DENND4A: variants seen among roughly 807,000 people sequenced by gnomAD.
DENND4A encodes the protein C-myc promoter-binding protein.
A neutral mutation model predicts 199.3 loss-of-function variants in DENND4A; 70 were observed. The ratio of observed to expected loss-of-function variants is 0.35; its 90% confidence interval spans 0.29 to 0.43. The LOEUF is 0.43. Ranked by LOEUF, DENND4A falls within the 20% of genes least tolerant of loss-of-function variation. The pLI, the probability that DENND4A is intolerant of heterozygous loss-of-function variation, is 1.00. For synonymous variants in DENND4A, 686 were observed against 766.9 expected (o/e 0.89, Z 1.74); for missense variants, 1,723 against 2,255.8 (o/e 0.76, Z 4.78).
At chr15:65,753,604 C>A (rs2076621860) in intron 3 of DENND4A, among the ~76,000 whole-genome samples, 1 of 152,190 alleles carries the variant, frequency 6.6e-6, no homozygotes, top group African/African-American at 2.4e-5. Flanking sequence ...AGTGATCTGT[C>A]TGCCTCGGCC....
chr15:65,735,147 G>A (rs1310342713), intron 7 of DENND4A, among the ~76,000 whole-genome samples: 1 of 152,040 alleles, frequency 6.6e-6, no homozygotes, highest in Non-Finnish European at 1.5e-5. Context: ...GGAGGCCAAG[G>A]TGGGCGGATC....
intron 4 of DENND4A, among the ~76,000 whole-genome samples, chr15:65,743,704 C>G (rs747284492): frequency 5.9e-5 from 9 of 152,166 alleles, no homozygotes; most frequent in South Asian, 2.1e-4. Flanking sequence ...TACAGGTACT[C>G]CATAAAGTAT....
rs140585862 is a variant in DENND4A at position 65,704,437 on chromosome 15, A to G, written c.2088-1429T>C. Among the ~76,000 whole-genome samples, 915 of 152,330 alleles carry G rather than the reference A, an allele frequency of 6.0e-3. 13 individuals carry two copies. Among genetic ancestry groups the G allele is most frequent in the African/African-American group, 0.021 (884 of 41,572 alleles). On this transcript the variant is annotated intron_variant, in intron 15 of 32. Coordinates refer to ENST00000443035, the MANE Select transcript of DENND4A (RefSeq NM_001320835.1). ...GCCCAAGCTGGAGTGCAGTAGCTCA[A>G]TGATGGCTCACTGCAGTCTCAACCT...
At chr15:65,774,734 T>C (rs921736922) in intron 1 of DENND4A, among the ~76,000 whole-genome samples, 4 of 151,976 alleles carry the variant, frequency 2.6e-5, no homozygotes, top group Admixed American at 2.6e-4. Flanking sequence ...CTATTTTCTC[T>C]AAAATTATAA....
At chr15:65,744,136 T>A (rs1275613524) in intron 4 of DENND4A, among the ~76,000 whole-genome samples, 3 of 151,648 alleles carry the variant, frequency 2.0e-5, no homozygotes, top group Non-Finnish European at 2.9e-5. Context: ...TGAAAAGAGG[T>A]CAGATTCTGG....
At chr15:65,709,216 TA>T (rs1567030801) in intron 14 of DENND4A, among the ~76,000 whole-genome samples, 1 of 152,246 alleles carries the variant, frequency 6.6e-6, no homozygotes, top group African/African-American at 2.4e-5. Context: ...TTATTCTTTT[TA>T]AAGTGTTACT....
Position 65,717,914 on chromosome 15 carries a change from C to G in DENND4A, c.1671G>C (p.Met557Ile). 1 of 1,609,254 alleles carries G rather than the reference C, an allele frequency of 6.2e-7. No individual in the cohort carries two copies. Among genetic ancestry groups the G allele is most frequent in the East Asian group, 2.2e-5 (1 of 44,816 alleles). ...YDFNSGKRLH[M>I]IDLEIQEAFL... is the part of the protein sequence containing the mutation. Reference sequence around the variant, plus strand: ...ATGCCTCTTGGATTTCCAAATCTATCATGTGCAACCTCTTTCCAGAATTAA... The same window carrying G: ...ATGCCTCTTGGATTTCCAAATCTATGATGTGCAACCTCTTTCCAGAATTAA... Residue 557 changes from methionine to isoleucine, a missense_variant, in exon 13 of 33, where the codon ATG (methionine) becomes ATC (isoleucine). Transcript: ENST00000443035.
At chr15:65,784,820 A>G (rs569478175) in intron 1 of DENND4A, among the ~76,000 whole-genome samples, 43 of 152,212 alleles carry the variant, frequency 2.8e-4, no homozygotes, top group African/African-American at 9.4e-4. Context: ...ATTTGGGACT[A>G]AAGCAAAACT....
At chr15:65,757,572 G>C (rs965932171) in intron 2 of DENND4A, among the ~76,000 whole-genome samples, 1 of 152,126 alleles carries the variant, frequency 6.6e-6, no homozygotes, top group Non-Finnish European at 1.5e-5. Flanking sequence ...AGGGTAGCGG[G>C]GGAGTCTCCT....
chr15:65,673,235 T>C (rs1385227628), intron 24 of DENND4A, among the ~76,000 whole-genome samples: 1 of 151,446 alleles, frequency 6.6e-6, no homozygotes, highest in East Asian at 2.0e-4. Flanking sequence ...CCCAGCACTT[T>C]GGGAGGCTGA....
intron 14 of DENND4A, among the ~76,000 whole-genome samples, chr15:65,711,356 T>C (rs1413608039): frequency 6.6e-6 from 1 of 152,134 alleles, no homozygotes; most frequent in Non-Finnish European, 1.5e-5. Flanking sequence ...TAGCCAGGCA[T>C]GATGGCATAT....
intron 12 of DENND4A, among the ~76,000 whole-genome samples, chr15:65,720,947 T>TATATATATATATATATATATA (rs1555425654): frequency 1.3e-5 from 1 of 76,234 alleles, no homozygotes; most frequent in African/African-American, 5.3e-5. Context: ...GTTTCATTGA[T>TATATATATATATATATATATA]TATATATATA....
chr15:65,771,020 CCAGTAGGTCATAAA>C (rs553185047), intron 1 of DENND4A, among the ~76,000 whole-genome samples: 102 of 152,244 alleles, frequency 6.7e-4, no homozygotes, highest in African/African-American at 2.4e-3. Context: ...TTTAAAGGAG[CCAGTAGGTCATAAA>C]CAGTCCAAGA....
In DENND4A at chr15:65,722,831, T is replaced by C; in HGVS notation, c.1588+17A>G. On this transcript the variant is annotated intron_variant, in intron 12 of 32. Coordinates refer to ENST00000443035, the MANE Select transcript of DENND4A (RefSeq NM_001320835.1). Reference sequence around the variant, plus strand: ...TTTCAGATTAAATTACCTCCTTTAATTAAGTTATCCACTTACATTTTGCCA... The same window carrying C: ...TTTCAGATTAAATTACCTCCTTTAACTAAGTTATCCACTTACATTTTGCCA... 1.9e-6 allele frequency: 3 copies of C among 1,559,404 alleles called. No individual in the cohort carries two copies. Among genetic ancestry groups the C allele is most frequent in the Non-Finnish European group, 1.7e-6 (2 of 1,151,466 alleles).
chr15:65,771,761 T>A (rs1308845070), intron 1 of DENND4A: 27 of 1,612,708 alleles, frequency 1.7e-5, no homozygotes, highest in Non-Finnish European at 2.3e-5. Flanking sequence ...AAATTAAATC[T>A]GCCATTGTTT....
At chr15:65,756,828 G>C (rs956299788) in intron 2 of DENND4A, among the ~76,000 whole-genome samples, 1 of 152,156 alleles carries the variant, frequency 6.6e-6, no homozygotes, top group African/African-American at 2.4e-5. Flanking sequence ...CTGAGGTCAG[G>C]AGTTTGAGAC....
At chr15:65,767,677 C>T (rs2077021682) in intron 1 of DENND4A, among the ~76,000 whole-genome samples, 1 of 152,076 alleles carries the variant, frequency 6.6e-6, no homozygotes, top group Non-Finnish European at 1.5e-5. Flanking sequence ...AGTAAAAGAA[C>T]AGATGTAAAC....
At chr15:65,723,662 C>T (rs967601918) in intron 11 of DENND4A, among the ~76,000 whole-genome samples, 2 of 151,978 alleles carry the variant, frequency 1.3e-5, no homozygotes, top group African/African-American at 2.4e-5. Flanking sequence ...TATGTTTTTT[C>T]CCAAGCATAT....
chr15:65,676,141 A>AAAAAAAAAATAT (rs1362535499), intron 24 of DENND4A, among the ~76,000 whole-genome samples: 1 of 110,450 alleles, frequency 9.1e-6, no homozygotes, highest in African/African-American at 3.0e-5. Context: ...AATAAGGAAA[A>AAAAAAAAAATAT]ATATATATAT....
Sources: allele counts gnomAD v4.1 joint callset (sites outside exome capture counted in the v4.1 genomes callset), GRCh38; gene constraint gnomAD v4.1.1; transcripts MANE v1.5; gene names NCBI Gene and HGNC (gene_info 2026-07-23, HGNC 2026-07-21).